SHB: variants seen among roughly 807,000 people sequenced by gnomAD.
SHB encodes SH2 domain containing adaptor protein B.
Under a neutral mutation model 52.3 loss-of-function variants are expected in SHB, and 20 were observed. The ratio of observed to expected loss-of-function variants is 0.38; its 90% CI spans 0.27 to 0.56. The LOEUF (loss-of-function observed/expected upper bound fraction) is 0.56. SHB is among the 20% of genes least tolerant of loss of function. SHB has a pLI of 0.71. For missense variants in SHB, 825 were observed against 723.3 expected (o/e 1.14, Z -1.61); for synonymous variants, 397 against 316.5 (o/e 1.25, Z -2.70).
chr9:37,991,786 CTG>C (rs1820884602), intron 2 of SHB, among the ~76,000 whole-genome samples: 1 of 152,208 alleles, frequency 6.6e-6, no homozygotes, highest in African/African-American at 2.4e-5. Flanking sequence ...AAAAACCAAA[CTG>C]AGATGGATGA....
intron 5 of SHB, among the ~76,000 whole-genome samples, chr9:37,932,420 A>G (rs952121501): frequency 6.6e-6 from 1 of 151,990 alleles, no homozygotes; most frequent in East Asian, 1.9e-4. Context: ...GGGGAGATGT[A>G]GGTCAGAGGG....
intron 5 of SHB, among the ~76,000 whole-genome samples, chr9:37,945,214 G>A (rs1832478483): frequency 6.6e-6 from 1 of 152,210 alleles, no homozygotes; most frequent in South Asian, 2.1e-4. Context: ...CCAAGCTCCT[G>A]ACAGTGTCAA....
chr9:38,050,574 CTT>C (rs1348753329), intron 1 of SHB, among the ~76,000 whole-genome samples: 1 of 152,082 alleles, frequency 6.6e-6, no homozygotes, highest in Admixed American at 6.6e-5. Context: ...TTTCAGTACC[CTT>C]CACAGATCTA....
chr9:38,043,366 A>G (rs1821605999), intron 1 of SHB, among the ~76,000 whole-genome samples: 1 of 152,242 alleles, frequency 6.6e-6, no homozygotes, highest in East Asian at 1.9e-4. Context: ...TTTGAACAGG[A>G]TAACTGCTCC....
intron 1 of SHB, among the ~76,000 whole-genome samples, chr9:38,056,542 A>G (rs1821824382): frequency 6.6e-6 from 1 of 152,326 alleles, no homozygotes; most frequent in South Asian, 2.1e-4. Context: ...CATGCTGCCC[A>G]GGCTGGTCTT....
At chr9:38,045,431 C>A (rs1726593848) in intron 1 of SHB, among the ~76,000 whole-genome samples, 1 of 151,378 alleles carries the variant, frequency 6.6e-6, no homozygotes, top group South Asian at 2.1e-4. Context: ...TGAGACCCCC[C>A]CCACCCCCAA....
At chr9:38,015,584 C>G (rs1821199526) in intron 2 of SHB, 1 of 645,478 alleles carries the variant, frequency 1.5e-6, no homozygotes, top group Non-Finnish European at 2.8e-6. Context: ...ATCTGGCCAG[C>G]TCTCTTCTAC....
At chr9:37,927,948 CTCTT>C (rs1460830187) in intron 5 of SHB, among the ~76,000 whole-genome samples, 4 of 146,242 alleles carry the variant, frequency 2.7e-5, no homozygotes, top group African/African-American at 7.7e-5. Context: ...TTCTCTTTCT[CTCTT>C]TTTTTTTTTT....
intron 3 of SHB, among the ~76,000 whole-genome samples, chr9:37,962,934 T>C (rs1832709581): frequency 6.6e-6 from 1 of 152,230 alleles, no homozygotes. Flanking sequence ...TGCCCTCGTT[T>C]TTAAAAGTGA....
intron 3 of SHB, among the ~76,000 whole-genome samples, chr9:37,956,574 G>T (rs1832637658): frequency 6.6e-6 from 1 of 152,174 alleles, no homozygotes; most frequent in Non-Finnish European, 1.5e-5. Flanking sequence ...CCCCGCATGG[G>T]CCCAGGACCC....
At chr9:37,987,508 A>G (rs1025000111) in intron 2 of SHB, among the ~76,000 whole-genome samples, 1 of 152,238 alleles carries the variant, frequency 6.6e-6, no homozygotes, top group Non-Finnish European at 1.5e-5. Context: ...CATTCAGGTC[A>G]GCAAGGAAGG....
intron 5 of SHB, among the ~76,000 whole-genome samples, chr9:37,929,867 A>G (rs951420581): frequency 2.6e-5 from 4 of 152,238 alleles, no homozygotes; most frequent in South Asian, 2.1e-4. Flanking sequence ...TGGAAGGCCA[A>G]TGCGGGAGAA....
chr9:38,014,755 CAGG>C (rs979972351), intron 2 of SHB, among the ~76,000 whole-genome samples: 1 of 152,082 alleles, frequency 6.6e-6, no homozygotes, highest in African/African-American at 2.4e-5. Flanking sequence ...CTTCCATGAA[CAGG>C]AGGAGCAGGA....
chr9:38,044,928 G>A (rs1431233762), intron 1 of SHB, among the ~76,000 whole-genome samples: 2 of 152,234 alleles, frequency 1.3e-5, no homozygotes, highest in African/African-American at 4.8e-5. Flanking sequence ...ACACAGAGGA[G>A]GGAGGGGTGG....
At position 37,953,314 on chromosome 9, in the gene SHB, T is replaced by C. The variant is rs142723981; in HGVS notation, c.1226+2569A>G. Among the ~76,000 whole-genome samples, 72 of 152,292 alleles carry C rather than the reference T, an allele frequency of 4.7e-4. No individual in the cohort carries two copies. In the East Asian group the frequency reaches 0.013, roughly 28 times the overall value. ...TATTTATTCAGCACCTGTTACCTGC[T>C]GGGCACTGTTCTAGGCACAGGGGAT... On this transcript the variant is annotated intron_variant, in intron 4 of 5. Coordinates refer to ENST00000377707, the MANE Select transcript of SHB (RefSeq NM_003028.3).
At chr9:37,988,832 C>A (rs2265166) in intron 2 of SHB, among the ~76,000 whole-genome samples, 5 of 152,016 alleles carry the variant, frequency 3.3e-5, no homozygotes, top group African/African-American at 1.2e-4. Flanking sequence ...GACCTTCTCC[C>A]GAGTCAGAGA....
intron 5 of SHB, among the ~76,000 whole-genome samples, chr9:37,926,531 G>A (rs1335970645): frequency 6.6e-6 from 1 of 152,178 alleles, no homozygotes; most frequent in Non-Finnish European, 1.5e-5. Flanking sequence ...CAAGTGACTG[G>A]CCTGGGACTA....
intron 1 of SHB, among the ~76,000 whole-genome samples, chr9:38,043,610 C>A (rs959789750): frequency 5.9e-5 from 9 of 152,184 alleles, no homozygotes; most frequent in Admixed American, 2.0e-4. Flanking sequence ...TCCACCCTGG[C>A]CGGGTGCAGT....
intron 1 of SHB, 150 bp downstream of exon 1, chr9:38,067,779 A>G (rs1391393051): frequency 2.4e-6 from 2 of 833,132 alleles, no homozygotes; most frequent in African/African-American, 1.8e-5. Context: ...GCGCGGGAGG[A>G]GGCAGAAGCG....
Sources: gnomAD v4.1 joint callset for allele counts (sites outside exome capture counted in the v4.1 genomes callset) on GRCh38, gnomAD v4.1.1 for gene constraint, MANE v1.5 for transcripts, NCBI Gene and HGNC (gene_info 2026-07-23, HGNC 2026-07-21) for gene names.